CATSPERT: variants seen among roughly 807,000 people sequenced by gnomAD.
The protein encoded by CATSPERT is cation channel sperm-associated targeting subunit tau.
At chr2:201,547,450 T>C in the CATSPERT span, 8 of 967,876 alleles carry the variant, frequency 8.3e-6, no homozygotes, top group African/African-American at 3.4e-5. Flanking sequence ...CATAATCCCA[T>C]TCTTAATAAA....
At chr2:201,602,665 T>C in the CATSPERT span, among the ~76,000 whole-genome samples, 1 of 152,166 alleles carries the variant, frequency 6.6e-6, no homozygotes, top group East Asian at 1.9e-4. Context: ...GAAAAGCTTT[T>C]GTTACTCTCA....
At chr2:201,571,287 A>G in the CATSPERT span, among the ~76,000 whole-genome samples, 1 of 152,212 alleles carries the variant, frequency 6.6e-6, no homozygotes, top group Admixed American at 6.5e-5. Context: ...AGCACTTCAG[A>G]GCACAATTTC....
chr2:201,499,396 T>C, the CATSPERT span, among the ~76,000 whole-genome samples: 19 of 152,280 alleles, frequency 1.2e-4, no homozygotes, highest in East Asian at 3.5e-3. Context: ...AAGAAAACCC[T>C]TAGCTTTTCT....
the CATSPERT span, among the ~76,000 whole-genome samples, chr2:201,583,002 AT>A: frequency 5.9e-5 from 9 of 152,338 alleles, no homozygotes; most frequent in East Asian, 1.7e-3. Flanking sequence ...ACAATTTGGC[AT>A]CTTGATTATT....
At chr2:201,528,675 T>C in the CATSPERT span, among the ~76,000 whole-genome samples, 1 of 152,142 alleles carries the variant, frequency 6.6e-6, no homozygotes, top group East Asian at 1.9e-4. Context: ...AACGAAATAC[T>C]ACATGTTCTC....
the CATSPERT span, among the ~76,000 whole-genome samples, chr2:201,590,907 G>A: frequency 1.4e-4 from 21 of 151,848 alleles, no homozygotes; most frequent in South Asian, 1.5e-3. Context: ...AGTAGGTTGC[G>A]AAAATTTTCT....
the CATSPERT span, among the ~76,000 whole-genome samples, chr2:201,527,405 G>C: frequency 4.6e-5 from 7 of 151,984 alleles, no homozygotes; most frequent in Non-Finnish European, 8.8e-5. Context: ...TTAGAAAAAA[G>C]CTATTCTAAA....
At chr2:201,581,455 TGTATACACACACACATTCCGGA>T in the CATSPERT span, among the ~76,000 whole-genome samples, 4 of 114,530 alleles carry the variant, frequency 3.5e-5, no homozygotes, top group African/African-American at 1.0e-4. Context: ...TATATATATA[TGTATACACACACACATTCCGGA>T]ATATATATAT....
At chr2:201,545,077 G>A in the CATSPERT span, among the ~76,000 whole-genome samples, 4 of 151,926 alleles carry the variant, frequency 2.6e-5, no homozygotes, top group South Asian at 2.1e-4. Context: ...TCACTCTGTC[G>A]CCCAGGCTGG....
the CATSPERT span, among the ~76,000 whole-genome samples, chr2:201,532,202 A>G: frequency 6.6e-6 from 1 of 152,242 alleles, no homozygotes; most frequent in Non-Finnish European, 1.5e-5. Flanking sequence ...GGTGCCATTT[A>G]TAAGAATATA....
chr2:201,549,105 A>G, the CATSPERT span, among the ~76,000 whole-genome samples: 1 of 152,176 alleles, frequency 6.6e-6, no homozygotes, highest in Non-Finnish European at 1.5e-5. Flanking sequence ...ATTCAGGCAA[A>G]TTAATGTCAC....
chr2:201,551,785 G>C, the CATSPERT span, among the ~76,000 whole-genome samples: 2 of 151,980 alleles, frequency 1.3e-5, no homozygotes, highest in Non-Finnish European at 2.9e-5. Context: ...GTGCATGCCT[G>C]TAATCCCAGC....
the CATSPERT span, among the ~76,000 whole-genome samples, chr2:201,496,612 G>C: frequency 6.6e-6 from 1 of 152,144 alleles, no homozygotes; most frequent in South Asian, 2.1e-4. Context: ...CAAAGTGCTG[G>C]GATTACAGGC....
the CATSPERT span, among the ~76,000 whole-genome samples, chr2:201,531,526 GAAGA>G: frequency 6.6e-6 from 1 of 152,126 alleles, no homozygotes; most frequent in Non-Finnish European, 1.5e-5. Context: ...AATGATATAT[GAAGA>G]AAGAATACTA....
the CATSPERT span, among the ~76,000 whole-genome samples, chr2:201,515,199 ATAGTTTTTTTTTTTTTTTTTTTTTTT>A: frequency 4.1e-5 from 1 of 24,354 alleles, no homozygotes; most frequent in African/African-American, 5.0e-4. Flanking sequence ...GAATCTGCCC[ATAGTTTTTTTTTTTTTTTTTTTTTTT>A]TTTTTTTTTT....
At chr2:201,582,372 TA>T in the CATSPERT span, among the ~76,000 whole-genome samples, 24 of 151,854 alleles carry the variant, frequency 1.6e-4, no homozygotes, top group African/African-American at 3.4e-4. Flanking sequence ...TTTGCATACC[TA>T]GTGATACGTT....
At chr2:201,601,010 A>G in the CATSPERT span, among the ~76,000 whole-genome samples, 2 of 152,052 alleles carry the variant, frequency 1.3e-5, no homozygotes, top group East Asian at 1.9e-4. Flanking sequence ...TCAGCCTCCC[A>G]AAGTGCTGGG....
At chr2:201,515,201 AGTTTTTTTTTTTTTTTTTT>A in the CATSPERT span, among the ~76,000 whole-genome samples, 104 of 70,270 alleles carry the variant, frequency 1.5e-3, 16 homozygotes, top group Admixed American at 3.2e-3. Flanking sequence ...ATCTGCCCAT[AGTTTTTTTTTTTTTTTTTT>A]TTTTTTTTTT....
chr2:201,524,821 A>G, the CATSPERT span, among the ~76,000 whole-genome samples: 1 of 152,214 alleles, frequency 6.6e-6, no homozygotes, highest in African/African-American at 2.4e-5. Context: ...TGCTATTCTT[A>G]TTTCAGACAA....
Sources: gnomAD v4.1 joint callset for allele counts (sites outside exome capture counted in the v4.1 genomes callset) on GRCh38, gnomAD v4.1.1 for gene constraint, MANE v1.5 for transcripts, NCBI Gene and HGNC (gene_info 2026-07-23, HGNC 2026-07-21) for gene names.